Variants in NTM observed in about 807,000 individuals in gnomAD.
NTM encodes IgLON family member 2.
NTM carries 13 observed loss-of-function variants against 42.1 expected under a neutral mutation model. The ratio of observed to expected loss-of-function variants is 0.31; its 90% CI spans 0.20 to 0.49. NTM has a LOEUF of 0.49. NTM is among the 20% of genes least tolerant of loss of function. The pLI is 0.99. For missense variants in NTM, 373 were observed against 452.8 expected (o/e 0.82, Z 1.60); for synonymous variants, 187 against 179.2 (o/e 1.04, Z -0.35).
intron 5 of NTM, among the ~76,000 whole-genome samples, chr11:132,309,538 A>G (rs1049467169): frequency 6.6e-6 from 1 of 152,172 alleles, no homozygotes; most frequent in Non-Finnish European, 1.5e-5. Context: ...CATCCTATGA[A>G]AGTTAAAAAG....
At position 132,212,159 on chromosome 11, in the gene NTM, GTT is replaced by G; in HGVS notation, c.526+14_526+15del. On this transcript the variant is annotated intron_variant, in intron 4 of 8. Coordinates refer to ENST00000683400, the MANE Select transcript of NTM (RefSeq NM_001352005.2). ...CATCTCTCCCAAAGGTAAGAGAACA[GTT>G]TGTTGCATTGCATCATGAGGATAAA... is the stretch of plus-strand genomic sequence containing the variant. 1 of 1,607,328 alleles carries G rather than the reference GTT, an allele frequency of 6.2e-7. No homozygotes were observed. The highest frequency in any genetic ancestry group is 8.5e-7 in the Non-Finnish European group (1 of 1,177,682).
At chr11:132,220,400 T>A (rs1438336592) in intron 4 of NTM, among the ~76,000 whole-genome samples, 2 of 152,198 alleles carry the variant, frequency 1.3e-5, no homozygotes, top group Non-Finnish European at 2.9e-5. Flanking sequence ...TAGGGTAAAA[T>A]TTGCCAGTGT....
rs376333517 is a variant in NTM, at chr11:131,982,243, T to A, written c.167+70595T>A. Among the ~76,000 whole-genome samples the A allele has an allele frequency of 1.1e-4, 16 of 152,210 alleles. No individual in the cohort carries two copies. In the East Asian group the frequency reaches 3.1e-3, roughly 29 times the overall value. ...ATGGGAAGGGAGGCTCCTTTTTGTT[T>A]GTTTTGTGCACAGGAACTTGCCCTG... On this transcript the variant is annotated intron_variant, in intron 2 of 8. Coordinates refer to ENST00000683400, the MANE Select transcript of NTM (RefSeq NM_001352005.2).
In NTM at chr11:131,906,065, G is replaced by A. The variant is rs1320034605; in HGVS notation, c.83-5499G>A. Among the ~76,000 whole-genome samples, 8 of 152,290 alleles carry A rather than the reference G, an allele frequency of 5.3e-5. No individual in the cohort carries two copies. The East Asian group carries it at 1.5e-3, about 29-fold the overall frequency. ...ACCACTGACAAACCCAATAGCACTAGACGACACGCAACTCAAGGGCAGGGG... is the reference window on the plus strand; with the variant it reads ...ACCACTGACAAACCCAATAGCACTAAACGACACGCAACTCAAGGGCAGGGG... On this transcript the variant is annotated intron_variant, in intron 1 of 8. Transcript: ENST00000683400.
At chr11:132,162,772 T>C (rs553354920) in intron 3 of NTM, among the ~76,000 whole-genome samples, 2 of 99,002 alleles carry the variant, frequency 2.0e-5, no homozygotes, top group East Asian at 6.2e-4. Context: ...ATGTGTGTGT[T>C]TGTGGGACCT....
At chr11:131,574,561 AGTGTGTGTGT>A (rs3040137) in intron 1 of NTM, among the ~76,000 whole-genome samples, 15 of 147,510 alleles carry the variant, frequency 1.0e-4, no homozygotes, top group African/African-American at 3.5e-4. Flanking sequence ...TATGTGCTTG[AGTGTGTGTGT>A]GTGTGTGTGT....
At position 131,900,138 on chromosome 11, in the gene NTM, A is replaced by G. The variant is rs74884656; in HGVS notation, c.83-11426A>G. ...TAGCACAGTGAGGCCTTCATGAGCC[A>G]GTCAGAACCGAGAAGGGTGACGACA... On this transcript the variant is annotated intron_variant, in intron 1 of 8. Transcript: ENST00000683400. 9.7e-4 allele frequency among the ~76,000 whole-genome samples: 148 copies of G among 152,356 alleles called. 1 individual carries two copies. The highest frequency in any genetic ancestry group is 3.4e-3 in the African/African-American group (141 of 41,582).
chr11:132,203,001 G>T (rs1031657671), intron 3 of NTM, among the ~76,000 whole-genome samples: 1 of 152,198 alleles, frequency 6.6e-6, no homozygotes, highest in Non-Finnish European at 1.5e-5. Flanking sequence ...CCATTAAGGA[G>T]CTTTCTACAT....
chr11:131,589,769 T>C (rs948586640), intron 1 of NTM, among the ~76,000 whole-genome samples: 3 of 152,158 alleles, frequency 2.0e-5, no homozygotes, highest in Non-Finnish European at 2.9e-5. Context: ...GCCTCACTGC[T>C]GAGGAGATGA....
At chr11:131,649,771 C>G (rs7131299) in intron 1 of NTM, among the ~76,000 whole-genome samples, 1 of 152,118 alleles carries the variant, frequency 6.6e-6, no homozygotes, top group Non-Finnish European at 1.5e-5. Flanking sequence ...CCATGAATAA[C>G]CAATAATTTT....
intron 1 of NTM, among the ~76,000 whole-genome samples, chr11:131,573,063 C>G (rs1392565185): frequency 6.6e-6 from 1 of 152,182 alleles, no homozygotes; most frequent in African/African-American, 2.4e-5. Flanking sequence ...TCTGCACTCC[C>G]TCCTCTTGAC....
At chr11:131,569,628 A>T (rs1199453263) in intron 1 of NTM, among the ~76,000 whole-genome samples, 106 of 133,592 alleles carry the variant, frequency 7.9e-4, no homozygotes, top group Non-Finnish European at 1.4e-3. Flanking sequence ...CCCAGGCTGG[A>T]CTACAGTAGG....
At chr11:131,785,549 A>G (rs187133733) in intron 1 of NTM, among the ~76,000 whole-genome samples, 38 of 152,368 alleles carry the variant, frequency 2.5e-4, no homozygotes, top group Admixed American at 5.2e-4. Context: ...GAAAGAAAAT[A>G]TGTTCCTGGA....
chr11:132,007,769 A>C (rs750930657), intron 2 of NTM, among the ~76,000 whole-genome samples: 10 of 152,172 alleles, frequency 6.6e-5, no homozygotes, highest in Non-Finnish European at 1.2e-4. Flanking sequence ...TCAAACATAG[A>C]GTCCAACAGA....
intron 2 of NTM, among the ~76,000 whole-genome samples, chr11:132,094,634 C>T (rs192312250): frequency 6.6e-6 from 1 of 152,258 alleles, no homozygotes; most frequent in East Asian, 1.9e-4. Context: ...CACTGGTCCC[C>T]AGGTGTTGGT....
At chr11:132,035,366 G>A (rs986906706) in intron 2 of NTM, among the ~76,000 whole-genome samples, 1 of 152,196 alleles carries the variant, frequency 6.6e-6, no homozygotes, top group Non-Finnish European at 1.5e-5. Context: ...AGAGAATTGA[G>A]TGTCATGCTT....
intron 3 of NTM, among the ~76,000 whole-genome samples, chr11:132,153,797 C>T (rs7933625): frequency 0.07 from 10,631 of 152,182 alleles, 639 homozygotes; most frequent in African/African-American, 0.16. Flanking sequence ...AGAGCTCCTG[C>T]CCTGTCCAGC....
At chr11:132,155,348 A>G (rs760253180) in intron 3 of NTM, among the ~76,000 whole-genome samples, 4 of 152,192 alleles carry the variant, frequency 2.6e-5, no homozygotes, top group Non-Finnish European at 5.9e-5. Flanking sequence ...AGCACCCCTC[A>G]TTGTTGTGAT....
Position 131,840,738 on chromosome 11 carries a change from G to A in NTM, c.83-70826G>A, listed in dbSNP as rs532531819. 5.3e-5 allele frequency among the ~76,000 whole-genome samples: 8 copies of A among 152,334 alleles called. No homozygotes were observed. In the East Asian group the frequency reaches 1.3e-3, roughly 26 times the overall value. ...AGAAGAGGATGTGAAACTGAACAAA[G>A]CCGTGTCTTCCATCCTACATTAGAG... On this transcript the variant is annotated intron_variant, in intron 1 of 8. Coordinates refer to ENST00000683400, the MANE Select transcript of NTM (RefSeq NM_001352005.2).
Sources: allele counts gnomAD v4.1 joint callset (sites outside exome capture counted in the v4.1 genomes callset), GRCh38; gene constraint gnomAD v4.1.1; transcripts MANE v1.5; gene names NCBI Gene and HGNC (gene_info 2026-07-23, HGNC 2026-07-21).